Variants in TSPAN9 observed in about 807,000 individuals in gnomAD.
The protein encoded by TSPAN9 is tetraspanin 9.
A neutral mutation model predicts 31.0 loss-of-function variants in TSPAN9; 16 were observed. The observed-to-expected ratio is 0.52, with a 90% CI of 0.35 to 0.78. The LOEUF is 0.78. Ranked by LOEUF, TSPAN9 falls within the 30% of genes least tolerant of loss-of-function variation. TSPAN9 has a pLI of 0.01. For synonymous variants in TSPAN9, 145 were observed against 121.6 expected (o/e 1.19, Z -1.27); for missense variants, 272 against 312.5 (o/e 0.87, Z 0.98).
At chr12:3,278,670 C>A in intron 4 of TSPAN9, 58 bp downstream of exon 4, 1 of 1,575,012 alleles carries the variant, frequency 6.3e-7, no homozygotes. Flanking sequence ...CACTTGGACC[C>A]CTGGGACAGG....
At chr12:3,094,108 TG>T (rs1278604313) in intron 2 of TSPAN9, among the ~76,000 whole-genome samples, 18 of 152,240 alleles carry the variant, frequency 1.2e-4, no homozygotes, top group African/African-American at 4.1e-4. Flanking sequence ...GGGGTTCTTT[TG>T]CTTCTGCCTC....
intron 2 of TSPAN9, among the ~76,000 whole-genome samples, chr12:3,117,030 G>C (rs2098322748): frequency 6.6e-6 from 1 of 152,192 alleles, no homozygotes; most frequent in Non-Finnish European, 1.5e-5. Flanking sequence ...CAGGGTGACA[G>C]ATCTTCACCT....
intron 2 of TSPAN9, among the ~76,000 whole-genome samples, chr12:3,133,233 AAG>A (rs1270604223): frequency 6.6e-6 from 1 of 152,062 alleles, no homozygotes; most frequent in African/African-American, 2.4e-5. Context: ...ATCCCGGAAA[AAG>A]AGGGGTCCTC....
chr12:3,216,300 AC>A (rs2098381353), intron 3 of TSPAN9, among the ~76,000 whole-genome samples: 1 of 152,056 alleles, frequency 6.6e-6, no homozygotes, highest in South Asian at 2.1e-4. Context: ...TTTTGCTGGG[AC>A]CTTCCAGATG....
intron 3 of TSPAN9, among the ~76,000 whole-genome samples, chr12:3,260,047 A>G (rs2153978937): frequency 6.6e-6 from 1 of 152,360 alleles, no homozygotes; most frequent in East Asian, 1.9e-4. Flanking sequence ...TTCTGCTGAG[A>G]ACCTAGTACG....
chr12:3,228,604 G>T (rs1306779569), intron 3 of TSPAN9, among the ~76,000 whole-genome samples: 2 of 152,256 alleles, frequency 1.3e-5, no homozygotes, highest in African/African-American at 4.8e-5. Flanking sequence ...CCTAGCTCTA[G>T]TGCTGAGCCC....
intron 3 of TSPAN9, among the ~76,000 whole-genome samples, chr12:3,222,585 C>G (rs932306515): frequency 1.3e-5 from 2 of 152,168 alleles, no homozygotes; most frequent in African/African-American, 4.8e-5. Context: ...GGATGCTGCC[C>G]AGAGGTGACG....
At chr12:3,169,464 C>T (rs2098350530) in intron 2 of TSPAN9, among the ~76,000 whole-genome samples, 1 of 152,236 alleles carries the variant, frequency 6.6e-6, no homozygotes, top group Admixed American at 6.5e-5. Context: ...ATCTCAGCTT[C>T]TCCACCTGTC....
At chr12:3,144,907 C>G (rs1377154696) in intron 2 of TSPAN9, among the ~76,000 whole-genome samples, 1 of 152,234 alleles carries the variant, frequency 6.6e-6, no homozygotes, top group Admixed American at 6.5e-5. Flanking sequence ...ATATTTGTCC[C>G]TTTTCCCTAT....
chr12:3,080,896 A>C (rs1336797794), intron 1 of TSPAN9, among the ~76,000 whole-genome samples: 1 of 152,192 alleles, frequency 6.6e-6, no homozygotes, highest in East Asian at 1.9e-4. Flanking sequence ...GTGGAGAAGC[A>C]GCCCAGCTTA....
chr12:3,105,772 G>GCA, intron 2 of TSPAN9, among the ~76,000 whole-genome samples: 1 of 72,046 alleles, frequency 1.4e-5, no homozygotes, highest in Non-Finnish European at 3.0e-5. Context: ...ACACGCGCAC[G>GCA]CACACACGCT....
intron 2 of TSPAN9, among the ~76,000 whole-genome samples, chr12:3,124,024 A>C (rs1321031294): frequency 2.6e-5 from 4 of 152,286 alleles, no homozygotes; most frequent in East Asian, 1.9e-4. Flanking sequence ...TGTAAGATAC[A>C]ATGTGGTTGG....
At chr12:3,217,645 AT>A (rs1161121150) in intron 3 of TSPAN9, among the ~76,000 whole-genome samples, 5 of 152,174 alleles carry the variant, frequency 3.3e-5, no homozygotes, top group African/African-American at 1.2e-4. Flanking sequence ...GGGGGAGAAG[AT>A]GACCAGAACC....
At chr12:3,109,268 C>CTGTGTGTGTGTGTG (rs1226380985) in intron 2 of TSPAN9, among the ~76,000 whole-genome samples, 2,667 of 119,252 alleles carry the variant, frequency 0.022, 53 homozygotes, top group East Asian at 0.028. Flanking sequence ...TTCATATAGT[C>CTGTGTGTGTGTGTG]TGTGTGTGTG....
At chr12:3,225,426 G>A (rs1328640512) in intron 3 of TSPAN9, among the ~76,000 whole-genome samples, 30 of 152,278 alleles carry the variant, frequency 2.0e-4, no homozygotes, top group African/African-American at 5.8e-4. Flanking sequence ...GGCCTGCAGA[G>A]ACTGAAGGCG....
At chr12:3,251,394 G>T (rs1001380362) in intron 3 of TSPAN9, among the ~76,000 whole-genome samples, 1 of 149,062 alleles carries the variant, frequency 6.7e-6, no homozygotes, top group African/African-American at 2.6e-5. Context: ...TGGGGACTCT[G>T]AGTGGCAGAT....
intron 3 of TSPAN9, among the ~76,000 whole-genome samples, chr12:3,247,914 A>G (rs529616793): frequency 5.3e-4 from 81 of 152,216 alleles, no homozygotes; most frequent in Non-Finnish European, 1.0e-3. Flanking sequence ...TTCTGTTGCT[A>G]GAACAGGGCA....
At chr12:3,217,718 C>G (rs1309737493) in intron 3 of TSPAN9, among the ~76,000 whole-genome samples, 1 of 152,158 alleles carries the variant, frequency 6.6e-6, no homozygotes, top group Non-Finnish European at 1.5e-5. Flanking sequence ...ACCCCTTCAC[C>G]CCTTCACCCC....
intron 2 of TSPAN9, among the ~76,000 whole-genome samples, chr12:3,105,257 C>A (rs2098313721): frequency 6.6e-6 from 1 of 152,188 alleles, no homozygotes; most frequent in Non-Finnish European, 1.5e-5. Context: ...ATGTGCCGTC[C>A]TCTCCCAGGG....
Sources: allele counts gnomAD v4.1 joint callset (sites outside exome capture counted in the v4.1 genomes callset), GRCh38; gene constraint gnomAD v4.1.1; transcripts MANE v1.5; gene names NCBI Gene and HGNC (gene_info 2026-07-23, HGNC 2026-07-21).